CAMK1: variants seen among roughly 807,000 people sequenced by gnomAD.
CAMK1 encodes calcium/calmodulin dependent protein kinase I.
A neutral mutation model predicts 49.1 loss-of-function variants in CAMK1; 39 were observed. The ratio of observed to expected loss-of-function variants is 0.79; its 90% confidence interval spans 0.62 to 1.04. The LOEUF (loss-of-function observed/expected upper bound fraction) is 1.04, where lower values mean the gene tolerates loss of function less well. Among genes scored for constraint, CAMK1 ranks in the 50% least tolerant of loss-of-function variants. The probability of loss-of-function intolerance (pLI) is 0.00; values close to 1 mark genes in which losing one functional copy is unlikely to be tolerated. For synonymous variants in CAMK1, 192 were observed against 185.2 expected, an observed-to-expected ratio of 1.04 and a Z score of -0.30; for missense variants, 457 against 472.2, an observed-to-expected ratio of 0.97 and a Z score of 0.30.
intron 8 of CAMK1, chr3:9,760,410 G>GT (rs2077798294): frequency 2.3e-6 from 1 of 443,000 alleles, no homozygotes; most frequent in African/African-American, 2.0e-5. Context: ...ATAGGGGAGA[G>GT]GTATTTTCAA....
chr3:9,765,977 C>T, intron 2 of CAMK1, 87 bp from the exon 3 acceptor site: 1 of 1,614,206 alleles, frequency 6.2e-7, no homozygotes, highest in Non-Finnish European at 8.5e-7. Context: ...GTTCTGTGAC[C>T]ACTGCTGGAC....
At chr3:9,767,624 G>A (rs1319685414) in intron 2 of CAMK1, 43 bp downstream of exon 2, 1 of 1,612,914 alleles carries the variant, frequency 6.2e-7, no homozygotes, top group Non-Finnish European at 8.5e-7. Flanking sequence ...CCTGGACTCA[G>A]CCTCCCTCAG....
chr3:9,765,440 G>A (rs958446309), intron 3 of CAMK1, among the ~76,000 whole-genome samples: 3 of 152,092 alleles, frequency 2.0e-5, no homozygotes, highest in African/African-American at 4.8e-5. Flanking sequence ...ACTTGAGGTA[G>A]GTCCAGAGAC....
At position 9,757,485 on chromosome 3, in the gene CAMK1, C is replaced by T. The variant is rs569042346; in HGVS notation, c.*54G>A. Reference sequence around the variant, plus strand: ...TCCCGGTTCAGGGAGGGAAGGGGAGCAGGCTGCCCCCAAGCCCTCCCACGC... The same window carrying T: ...TCCCGGTTCAGGGAGGGAAGGGGAGTAGGCTGCCCCCAAGCCCTCCCACGC... On this transcript the variant is annotated 3_prime_UTR_variant, in exon 12 of 12. Transcript: ENST00000256460. The surrounding 1 kb of genome is among the most constrained non-coding windows in gnomAD (Gnocchi z 4.5). The T allele has an allele frequency of 5.8e-5, 93 of 1,602,382 alleles. No individual in the cohort carries two copies. Among genetic ancestry groups the T allele is most frequent in the Non-Finnish European group, 7.4e-5 (87 of 1,172,656 alleles).
chr3:9,767,791 G>C lies in CAMK1; in HGVS notation c.-32-10C>G, dbSNP rs376111768. 4.0e-5 allele frequency: 64 copies of C among 1,611,462 alleles called. No individual in the cohort carries two copies. The highest frequency in any genetic ancestry group is 4.8e-5 in the Non-Finnish European group (57 of 1,179,074). On this transcript the variant is annotated splice_polypyrimidine_tract_variant and intron_variant, in intron 1 of 11. Coordinates refer to ENST00000256460, the MANE Select transcript of CAMK1 (RefSeq NM_003656.5). The stretch of plus-strand genomic sequence containing the variant: ...ACCACAGCCAGGGCTCCTGTAAGGA[G>C]AATGGAAGGAGGAGACTCAGCAGAG...
At chr3:9,767,625 C>G in intron 2 of CAMK1, 42 bp downstream of exon 2, 1 of 1,612,912 alleles carries the variant, frequency 6.2e-7, no homozygotes, top group Non-Finnish European at 8.5e-7. Flanking sequence ...CTGGACTCAG[C>G]CTCCCTCAGC....
At chr3:9,764,824 G>T (rs1050664494) in intron 3 of CAMK1, among the ~76,000 whole-genome samples, 9 of 151,796 alleles carry the variant, frequency 5.9e-5, no homozygotes, top group African/African-American at 2.2e-4. Flanking sequence ...TAGAGACAGG[G>T]TTTCTCCGTG....
In CAMK1 at chr3:9,766,004, C is replaced by T. The variant is rs1222507444; in HGVS notation, c.84-114G>A. 6 of 1,614,168 alleles carry T rather than the reference C, an allele frequency of 3.7e-6. No homozygotes were observed. The African/African-American group carries it at 4.0e-5, about 11-fold the overall frequency. The stretch of plus-strand genomic sequence containing the variant: ...CTGCTGGACCAAGGACGTGGATGAC[C>T]CTCCCCTAGTCACTCATCCATCCCC... On this transcript the variant is annotated intron_variant, in intron 2 of 11. Coordinates refer to ENST00000256460, the MANE Select transcript of CAMK1 (RefSeq NM_003656.5).
At chr3:9,762,516 ACAGGCATC>A (rs1051053860) in intron 5 of CAMK1, among the ~76,000 whole-genome samples, 4 of 152,156 alleles carry the variant, frequency 2.6e-5, no homozygotes, top group Non-Finnish European at 4.4e-5. Flanking sequence ...AGCTGGGATT[ACAGGCATC>A]TGCCACCACG....
At chr3:9,761,140 T>G in intron 7 of CAMK1, 1 of 336,806 alleles carries the variant, frequency 3.0e-6, no homozygotes. Flanking sequence ...TTCTCCACAG[T>G]ATTTATTTTT....
At chr3:9,764,543 C>G (rs561256160) in intron 3 of CAMK1, among the ~76,000 whole-genome samples, 149 of 151,062 alleles carry the variant, frequency 9.9e-4, no homozygotes, top group African/African-American at 3.4e-3. Context: ...AACTCCCCAC[C>G]TCAGGTGATC....
At chr3:9,760,635 A>T (rs910996592) in intron 8 of CAMK1, 21 bp downstream of exon 8, 4 of 1,613,286 alleles carry the variant, frequency 2.5e-6, no homozygotes. Flanking sequence ...GCCCAGGGGA[A>T]AAAAGCAAAG....
chr3:9,761,822 C>T lies in CAMK1; in HGVS notation c.430-65G>A, dbSNP rs963174279. On this transcript the variant is annotated intron_variant, in intron 5 of 11. Transcript: ENST00000256460. ...GGTTAGAGGCTGGTAGAACCTTCTGCCGCTCCAAGCACCTTCTGAGAAATA... is the reference window on the plus strand; with the variant it reads ...GGTTAGAGGCTGGTAGAACCTTCTGTCGCTCCAAGCACCTTCTGAGAAATA... The T allele has an allele frequency of 3.8e-5, 61 of 1,586,074 alleles. No homozygotes were observed. The South Asian group carries it at 5.2e-4, about 14-fold the overall frequency.
Position 9,767,792 on chromosome 3 carries a change from A to G in CAMK1, c.-32-11T>C. The G allele has an allele frequency of 6.2e-7, 1 of 1,611,532 alleles. No homozygotes were observed. Among genetic ancestry groups the G allele is most frequent in the Non-Finnish European group, 8.5e-7 (1 of 1,179,014 alleles). On this transcript the variant is annotated splice_polypyrimidine_tract_variant and intron_variant, in intron 1 of 11. Coordinates refer to ENST00000256460, the MANE Select transcript of CAMK1 (RefSeq NM_003656.5). ...CCACAGCCAGGGCTCCTGTAAGGAG[A>G]ATGGAAGGAGGAGACTCAGCAGAGC...
intron 3 of CAMK1, among the ~76,000 whole-genome samples, chr3:9,764,291 T>C (rs1445501074): frequency 1.3e-5 from 2 of 152,150 alleles, no homozygotes; most frequent in Non-Finnish European, 2.9e-5. Flanking sequence ...ATAATGGTAA[T>C]TGATTTTTTT....
chr3:9,759,375 T>C (rs2077738423), intron 10 of CAMK1, 113 bp downstream of exon 10: 1 of 1,551,718 alleles, frequency 6.4e-7, no homozygotes, highest in African/African-American at 1.4e-5. Context: ...TAAGGATCCC[T>C]AAGCAGTTAC....
intron 3 of CAMK1, among the ~76,000 whole-genome samples, chr3:9,764,044 A>C (rs1210450438): frequency 6.6e-6 from 1 of 152,180 alleles, no homozygotes; most frequent in Non-Finnish European, 1.5e-5. Context: ...CTCCCCCACC[A>C]GACATAAGCT....
At position 9,757,516 on chromosome 3, in the gene CAMK1, A is replaced by G; in HGVS notation, c.*23T>C. The G allele has an allele frequency of 1.2e-6, 2 of 1,608,892 alleles. No homozygotes were observed. Among genetic ancestry groups the G allele is most frequent in the Non-Finnish European group, 1.7e-6 (2 of 1,176,138 alleles). On this transcript the variant is annotated 3_prime_UTR_variant, in exon 12 of 12. Coordinates refer to ENST00000256460, the MANE Select transcript of CAMK1 (RefSeq NM_003656.5). The surrounding 1 kb of genome is among the most constrained non-coding windows in gnomAD (Gnocchi z 4.5). ...GCCCCCAAGCCCTCCCACGCAGAGGATCATGACCCGAGGTCCAGGGCCCTA... is the reference window on the plus strand; with the variant it reads ...GCCCCCAAGCCCTCCCACGCAGAGGGTCATGACCCGAGGTCCAGGGCCCTA...
intron 2 of CAMK1, chr3:9,766,337 A>C (rs2078150963): frequency 1.5e-5 from 10 of 685,662 alleles, no homozygotes; most frequent in Non-Finnish European, 2.7e-5. Context: ...GGGCTTTTGG[A>C]TTATGTGTAC....
Sources: gnomAD v4.1 joint callset for allele counts (sites outside exome capture counted in the v4.1 genomes callset) on GRCh38, gnomAD v4.1.1 for gene constraint, Gnocchi (gnomAD v3.1) non-coding constraint, MANE v1.5 for transcripts, NCBI Gene and HGNC (gene_info 2026-07-23, HGNC 2026-07-21) for gene names.